SLC12A3: variants seen among roughly 807,000 people sequenced by gnomAD.
The protein encoded by SLC12A3 is Na-Cl cotransporter.
A neutral mutation model predicts 121.0 loss-of-function variants in SLC12A3; 104 were observed. The observed-to-expected ratio is 0.86, with a 90% CI of 0.73 to 1.01. The LOEUF is 1.01. Among genes scored for constraint, SLC12A3 ranks in the 50% least tolerant of loss-of-function variants. SLC12A3 has a pLI of 0.00. For missense variants in SLC12A3, 1,328 were observed against 1,356.3 expected (o/e 0.98, Z 0.33); for synonymous variants, 536 against 533.4 (o/e 1.00, Z -0.07).
At chr16:56,868,610 C>A (rs1964416260) in intron 3 of SLC12A3, among the ~76,000 whole-genome samples, 1 of 152,194 alleles carries the variant, frequency 6.6e-6, no homozygotes, top group Non-Finnish European at 1.5e-5. Flanking sequence ...GGCTATTTGC[C>A]CTCAGTAAGC....
At chr16:56,873,910 C>A (rs2055135473) in intron 8 of SLC12A3, among the ~76,000 whole-genome samples, 1 of 151,896 alleles carries the variant, frequency 6.6e-6, no homozygotes. Context: ...CAGGGTTTCG[C>A]CATGTTGGCC....
chr16:56,905,199 C>T (rs1287181021), intron 25 of SLC12A3, among the ~76,000 whole-genome samples: 3 of 151,870 alleles, frequency 2.0e-5, no homozygotes, highest in Admixed American at 1.3e-4. Flanking sequence ...ATTAGCTGGG[C>T]GTGGTGGTGC....
At chr16:56,876,198 C>T (rs1431182956) in intron 8 of SLC12A3, among the ~76,000 whole-genome samples, 2 of 152,128 alleles carry the variant, frequency 1.3e-5, no homozygotes, top group Admixed American at 1.3e-4. Flanking sequence ...ATCTGTGGGT[C>T]CTTTCCTTGT....
At chr16:56,875,504 A>G (rs1486445558) in intron 8 of SLC12A3, among the ~76,000 whole-genome samples, 3 of 152,142 alleles carry the variant, frequency 2.0e-5, no homozygotes, top group Admixed American at 6.5e-5. Context: ...AGGACTACAC[A>G]GGTGGCAGAG....
At chr16:56,899,891 C>T (rs1429734044) in intron 23 of SLC12A3, among the ~76,000 whole-genome samples, 1 of 152,222 alleles carries the variant, frequency 6.6e-6, no homozygotes, top group Non-Finnish European at 1.5e-5. Context: ...GTGACCTGGG[C>T]AACAACTTCC....
At chr16:56,879,752 T>C in intron 11 of SLC12A3, 103 bp downstream of exon 11, 1 of 834,782 alleles carries the variant, frequency 1.2e-6, no homozygotes, top group Non-Finnish European at 2.0e-6. Context: ...CCTGAAGGTG[T>C]CATTAGACTG....
intron 25 of SLC12A3, among the ~76,000 whole-genome samples, chr16:56,911,308 TTTGTTTGTTTG>T (rs2055682035): frequency 4.0e-5 from 2 of 50,192 alleles, no homozygotes; most frequent in African/African-American, 9.4e-5. Flanking sequence ...TTTGAGACCT[TTTGTTTGTTTG>T]TTTGTTTGTT....
chr16:56,870,756 G>C lies in SLC12A3; in HGVS notation c.852+20G>C. On this transcript the variant is annotated intron_variant, in intron 6 of 25. Transcript: ENST00000563236. The stretch of plus-strand genomic sequence containing the variant: ...TCCAAGGTGAGGAGGCCATGGAGGA[G>C]GGGGACATGGAGGTGGTCACGTGGA... 1.3e-6 allele frequency: 2 copies of C among 1,495,744 alleles called. No individual in the cohort carries two copies. The highest frequency in any genetic ancestry group is 1.9e-6 in the Non-Finnish European group (2 of 1,072,500). 92.7% of individuals were successfully genotyped at this position (1,495,744 alleles called of 1,614,324 possible).
Position 56,870,240 on chromosome 16 carries a change from G to A in SLC12A3, c.741+5G>A. The A allele has an allele frequency of 3.7e-6, 6 of 1,612,342 alleles. No homozygotes were observed. The highest frequency in any genetic ancestry group is 5.1e-6 in the Non-Finnish European group (6 of 1,179,882). On this transcript the variant is annotated splice_donor_5th_base_variant and intron_variant, in intron 5 of 25. Transcript: ENST00000563236. ...ACCGTGCGGGACCTGCTCCAGGTGA[G>A]GCCGGGGGGCTGGACCCTGGGTAGA...
intron 23 of SLC12A3, among the ~76,000 whole-genome samples, 173 bp downstream of exon 23, chr16:56,899,789 C>T (rs1055992563): frequency 1.3e-5 from 2 of 152,212 alleles, no homozygotes; most frequent in Non-Finnish European, 2.9e-5. Flanking sequence ...GGGGCCTGTC[C>T]CCTCCCTGGG....
chr16:56,887,868 G>T (rs2055339337), intron 17 of SLC12A3, 57 bp from the exon 18 acceptor site: 1 of 1,247,550 alleles, frequency 8.0e-7, no homozygotes, highest in Non-Finnish European at 1.2e-6. Context: ...CTGGCCAGGT[G>T]GATCACCAAC....
rs568176617 is a variant in SLC12A3, at chr16:56,882,572, G to A, written c.1669+75G>A. 8.0e-5 allele frequency: 90 copies of A among 1,130,950 alleles called. No individual in the cohort carries two copies. In the East Asian group the frequency reaches 2.1e-3, roughly 27 times the overall value. The allele number at this position is 1,130,950 out of a possible 1,614,324, so 70.1% of individuals were successfully genotyped here. ...GGAACTGGGGCATGGGGTGGGAGTG[G>A]GAGGCATGGGTGGAGGTTGGCAGCC... is the stretch of plus-strand genomic sequence containing the variant. On this transcript the variant is annotated intron_variant, in intron 13 of 25. Coordinates refer to ENST00000563236, the MANE Select transcript of SLC12A3 (RefSeq NM_001126108.2).
rs942203023 is a variant in SLC12A3, at chr16:56,879,740, C to T, written c.1443+91C>T. The T allele has an allele frequency of 3.3e-6, 3 of 912,592 alleles. No individual in the cohort carries two copies. In the African/African-American group the frequency reaches 4.9e-5, roughly 15 times the overall value. 56.5% of individuals were successfully genotyped at this position (912,592 alleles called of 1,614,324 possible). A position where few individuals can be genotyped will look rare whatever the true frequency, so the allele number is the denominator to read the frequency against. ...CGGGTCCCTGGGTGACTGCTACAAA[C>T]ACCTGAAGGTGTCATTAGACTGGGG... is the stretch of plus-strand genomic sequence containing the variant. On this transcript the variant is annotated intron_variant, in intron 11 of 25. Coordinates refer to ENST00000563236, the MANE Select transcript of SLC12A3 (RefSeq NM_001126108.2).
intron 19 of SLC12A3, among the ~76,000 whole-genome samples, chr16:56,891,423 C>G (rs1308935303): frequency 7.0e-6 from 1 of 142,288 alleles, no homozygotes; most frequent in Non-Finnish European, 1.5e-5. Flanking sequence ...AAAGCAATAA[C>G]GTGTATGGCA....
In SLC12A3 at chr16:56,913,489, A is replaced by C; in HGVS notation, c.*84A>C. 7.4e-7 allele frequency: 1 copy of C among 1,352,286 alleles called. No homozygotes were observed. Among genetic ancestry groups the C allele is most frequent in the Non-Finnish European group, 1.1e-6 (1 of 941,530 alleles). The allele number at this position is 1,352,286 out of a possible 1,614,324, so 83.8% of individuals were successfully genotyped here. On this transcript the variant is annotated 3_prime_UTR_variant, in exon 26 of 26. Transcript: ENST00000563236. Reference sequence around the variant, plus strand: ...ATTGCCTCTAGTCCACAGGGATGAGACTCATGTTCTGTTGCACTTTAAGTG... The same window carrying C: ...ATTGCCTCTAGTCCACAGGGATGAGCCTCATGTTCTGTTGCACTTTAAGTG...
Position 56,899,556 on chromosome 16 carries a change from G to A in SLC12A3, c.2660G>A (p.Arg887Gln), listed in dbSNP as rs369360334. 23 of 1,613,890 alleles carry A rather than the reference G, an allele frequency of 1.4e-5. No individual in the cohort carries two copies. Among genetic ancestry groups the A allele is most frequent in the African/African-American group, 4.0e-5 (3 of 74,920 alleles). The stretch of plus-strand genomic sequence containing the variant: ...ATCATTTCTCTGCTGAGCAAGTTCC[G>A]ACTGGGATTCCATGAAGTCCACATC... ...KAIISLLSKF[R>Q]LGFHEVHILP... Residue 887 changes from arginine (R) to glutamine (Q), a missense_variant, in exon 23 of 26, where the codon CGA becomes CAA. By Grantham distance (43) the Arg-to-Gln change is conservative (BLOSUM62 1). Coordinates refer to ENST00000563236, the MANE Select transcript of SLC12A3 (RefSeq NM_001126108.2).
At position 56,882,328 on chromosome 16, in the gene SLC12A3, A is replaced by C; in HGVS notation, c.1568-68A>C. 4 of 1,318,156 alleles carry C rather than the reference A, an allele frequency of 3.0e-6. No individual in the cohort carries two copies. In the South Asian group the frequency reaches 4.7e-5, roughly 15 times the overall value. The allele number at this position is 1,318,156 out of a possible 1,614,324, so 81.7% of individuals were successfully genotyped here. On this transcript the variant is annotated intron_variant, in intron 12 of 25. Transcript: ENST00000563236. ...TCTGGGGTCCCCCACCCTGGGAAGG[A>C]GGGTGCCAAGCCAGTCCTTGGCAGA... is the stretch of plus-strand genomic sequence containing the variant.
intron 25 of SLC12A3, among the ~76,000 whole-genome samples, chr16:56,908,153 T>C (rs553510798): frequency 7.1e-6 from 1 of 140,436 alleles, no homozygotes; most frequent in Non-Finnish European, 1.5e-5. Flanking sequence ...TCTCAGATAG[T>C]GATATAACTT....
intron 14 of SLC12A3, 70 bp downstream of exon 14, chr16:56,884,274 G>A (rs924985733): frequency 1.1e-5 from 16 of 1,515,394 alleles, no homozygotes; most frequent in African/African-American, 4.1e-5. Context: ...CCTGCCCTCC[G>A]CCCCAGTTGG....
Sources: gnomAD v4.1 joint callset for allele counts (sites outside exome capture counted in the v4.1 genomes callset) on GRCh38, gnomAD v4.1.1 for gene constraint, MANE v1.5 for transcripts, NCBI Gene and HGNC (gene_info 2026-07-23, HGNC 2026-07-21) for gene names.